SLC35E3: variants seen among roughly 807,000 people sequenced by gnomAD.
SLC35E3 encodes the protein solute carrier family 35 member E3.
SLC35E3 carries 28 observed loss-of-function variants against 30.8 expected under a neutral mutation model. The ratio of observed to expected loss-of-function variants is 0.91; its 90% CI spans 0.67 to 1.25. SLC35E3 has a LOEUF of 1.25. Among genes scored for constraint, SLC35E3 ranks in the 50% most tolerant of loss-of-function variants. SLC35E3 has a pLI of 0.00. For missense variants in SLC35E3, 365 were observed against 375.4 expected (o/e 0.97, Z 0.23); for synonymous variants, 146 against 149.2 (o/e 0.98, Z 0.16).
intron 3 of SLC35E3, among the ~76,000 whole-genome samples, chr12:68,754,552 C>T (rs1878931064): frequency 1.3e-5 from 2 of 152,160 alleles, no homozygotes; most frequent in South Asian, 4.1e-4. Context: ...TCCCAAAGTG[C>T]TGGGATTACA....
At position 68,772,739 on chromosome 12, in the gene SLC35E3, C is replaced by T. The variant is rs757660082; in HGVS notation, c.*7849C>T. 6.6e-6 allele frequency: 1 copy of T among 152,044 alleles called. No individual in the cohort carries two copies. The highest frequency in any genetic ancestry group is 2.4e-5 in the African/African-American group (1 of 41,408). The allele number at this position is 152,044 out of a possible 1,614,324, so 9.4% of individuals were successfully genotyped here. A position where few individuals can be genotyped will look rare whatever the true frequency, so the allele number is the denominator to read the frequency against. On this transcript the variant is annotated 3_prime_UTR_variant, in exon 5 of 5. Coordinates refer to ENST00000398004, the MANE Select transcript of SLC35E3 (RefSeq NM_018656.5). ...TAAATATTTATTTTTTTCGGTTATC[C>T]GTAGACTTTTCCTTTTGAAATCCAA...
chr12:68,764,577 C>T, intron 4 of SLC35E3, 127 bp from the exon 5 acceptor site: 1 of 748,372 alleles, frequency 1.3e-6, no homozygotes, highest in Non-Finnish European at 2.0e-6. Flanking sequence ...CATGATCCAC[C>T]ACGCCTGGTC....
intron 4 of SLC35E3, among the ~76,000 whole-genome samples, chr12:68,761,002 T>C (rs1255751024): frequency 6.6e-6 from 1 of 151,982 alleles, no homozygotes; most frequent in Admixed American, 6.6e-5. Context: ...CTGAAGGAAA[T>C]GCAGTTGCTC....
rs989613893 is a variant in SLC35E3, at chr12:68,780,160, A to G, written c.*15270A>G. ...AAATCTTAACAATTTCTAAAATCAC[A>G]CTTTTTAATTTATTTTGTATTTTTT... On this transcript the variant is annotated 3_prime_UTR_variant, in exon 5 of 5. Coordinates refer to ENST00000398004, the MANE Select transcript of SLC35E3 (RefSeq NM_018656.5). 3 of 151,946 alleles carry G rather than the reference A, an allele frequency of 2.0e-5. No homozygotes were observed. The highest frequency in any genetic ancestry group is 7.3e-5 in the African/African-American group (3 of 41,378). The allele number at this position is 151,946 out of a possible 1,614,324, so 9.4% of individuals were successfully genotyped here. A position where few individuals can be genotyped will look rare whatever the true frequency, so the allele number is the denominator to read the frequency against.
chr12:68,774,969 C>T lies in SLC35E3; in HGVS notation c.*10079C>T, dbSNP rs1162583622. 1 of 151,702 alleles carries T rather than the reference C, an allele frequency of 6.6e-6. No homozygotes were observed. The highest frequency in any genetic ancestry group is 1.5e-5 in the Non-Finnish European group (1 of 67,926). 9.4% of individuals were successfully genotyped at this position (151,702 alleles called of 1,614,324 possible). On this transcript the variant is annotated 3_prime_UTR_variant, in exon 5 of 5. Coordinates refer to ENST00000398004, the MANE Select transcript of SLC35E3 (RefSeq NM_018656.5). ...GAGACCAGCCTGGCCAACACGTCTT[C>T]TTGTTCTAGATGAAAAGTAAACCCC...
rs934423451 is a variant in SLC35E3 at position 68,769,640 on chromosome 12, C to T, written c.*4750C>T. On this transcript the variant is annotated 3_prime_UTR_variant, in exon 5 of 5. Coordinates refer to ENST00000398004, the MANE Select transcript of SLC35E3 (RefSeq NM_018656.5). ...TGCCATTGCACTGCAGCCTGGGCAA[C>T]AAGAGCAAAACTGTCTCAAATAAAT... The T allele has an allele frequency of 3.9e-5, 6 of 152,032 alleles. No homozygotes were observed. The highest frequency in any genetic ancestry group is 1.9e-4 in the East Asian group (1 of 5,194). 9.4% of individuals were successfully genotyped at this position (152,032 alleles called of 1,614,324 possible). A position where few individuals can be genotyped will look rare whatever the true frequency, so the allele number is the denominator to read the frequency against.
chr12:68,748,050 T>TG lies in SLC35E3; in HGVS notation c.513+10_513+11insG. The TG allele has an allele frequency of 6.7e-7, 1 of 1,502,374 alleles. No individual in the cohort carries two copies. The highest frequency in any genetic ancestry group is 9.2e-7 in the Non-Finnish European group (1 of 1,086,840). The allele number at this position is 1,502,374 out of a possible 1,614,324, so 93.1% of individuals were successfully genotyped here. On this transcript the variant is annotated intron_variant, in intron 2 of 4. Transcript: ENST00000398004. ...ATCCCTTTATCAAGTGGTTGGTAAT[T>TG]TTTTTTTCTTTATGTGCCTTTTTAG...
In SLC35E3 at chr12:68,775,712, C is replaced by G. The variant is rs897751007; in HGVS notation, c.*10822C>G. 1.3e-5 allele frequency: 2 copies of G among 152,258 alleles called. No homozygotes were observed. Among genetic ancestry groups the G allele is most frequent in the African/African-American group, 4.8e-5 (2 of 41,434 alleles). The allele number at this position is 152,258 out of a possible 1,614,324, so 9.4% of individuals were successfully genotyped here. A position where few individuals can be genotyped will look rare whatever the true frequency, so the allele number is the denominator to read the frequency against. The stretch of plus-strand genomic sequence containing the variant: ...CCTGTCATCCCAGCAGTTTGGGAGG[C>G]TGAGGCAGATGGATCACCTGAGGTC... On this transcript the variant is annotated 3_prime_UTR_variant, in exon 5 of 5. Coordinates refer to ENST00000398004, the MANE Select transcript of SLC35E3 (RefSeq NM_018656.5).
chr12:68,746,523 T>C lies in SLC35E3; in HGVS notation c.146T>C (p.Val49Ala), dbSNP rs747389613. 1.2e-6 allele frequency: 2 copies of C among 1,614,242 alleles called. No homozygotes were observed. The highest frequency in any genetic ancestry group is 2.2e-5 in the South Asian group (2 of 91,090). ...HGFPNMSLTLVHFVVTWLGLY... is the reference protein window; with the variant it reads ...HGFPNMSLTLAHFVVTWLGLY... ...TTCCCCAACATGAGCCTGACCCTGG[T>C]GCACTTCGTGGTCACCTGGCTGGGC... Residue 49 changes from valine to alanine, a missense_variant, in exon 1 of 5, where the codon GTG becomes GCG. Transcript: ENST00000398004.
Position 68,764,820 on chromosome 12 carries a change from T to C in SLC35E3, c.872T>C (p.Ile291Thr), listed in dbSNP as rs774026274. Reference protein sequence around the residue: ...ALGILCTLFGILAYTHFKLSE... With the variant: ...ALGILCTLFGTLAYTHFKLSE... ...GGCATTTTATGTACATTATTTGGCA[T>C]TCTCGCCTATACCCACTTTAAGCTC... The change falls in exon 5 of 5, where the codon ATT (isoleucine) becomes ACT (threonine). Residue 291 changes from isoleucine (I) to threonine (T), a missense_variant. By Grantham distance (89) the Ile-to-Thr change is moderately conservative. Coordinates refer to ENST00000398004, the MANE Select transcript of SLC35E3 (RefSeq NM_018656.5). The C allele has an allele frequency of 6.2e-7, 1 of 1,614,192 alleles. No individual in the cohort carries two copies. The highest frequency in any genetic ancestry group is 1.1e-5 in the South Asian group (1 of 91,090).
chr12:68,774,449 T>A lies in SLC35E3; in HGVS notation c.*9559T>A, dbSNP rs1278401260. On this transcript the variant is annotated 3_prime_UTR_variant, in exon 5 of 5. Transcript: ENST00000398004. ...ACAAAATTAGCTGGGCGTAGTGGCT[T>A]ATGCCTGTAACCCCAGCTACTCGGC... 1 of 151,984 alleles carries A rather than the reference T, an allele frequency of 6.6e-6. No individual in the cohort carries two copies. The highest frequency in any genetic ancestry group is 2.4e-5 in the African/African-American group (1 of 41,292). 9.4% of individuals were successfully genotyped at this position (151,984 alleles called of 1,614,324 possible).
intron 2 of SLC35E3, among the ~76,000 whole-genome samples, 199 bp from the exon 3 acceptor site, chr12:68,751,833 A>G (rs1401875755): frequency 2.0e-5 from 3 of 152,232 alleles, no homozygotes; most frequent in Non-Finnish European, 4.4e-5. Flanking sequence ...AATTAAATTT[A>G]TAGAGCTATT....
chr12:68,749,007 G>A (rs1878695852), intron 2 of SLC35E3, among the ~76,000 whole-genome samples: 1 of 152,214 alleles, frequency 6.6e-6, no homozygotes, highest in Non-Finnish European at 1.5e-5. Flanking sequence ...AATAAAAGAA[G>A]AGGCTAGTGA....
chr12:68,756,950 G>A (rs1314719238), intron 3 of SLC35E3, among the ~76,000 whole-genome samples: 2 of 152,244 alleles, frequency 1.3e-5, no homozygotes, highest in Admixed American at 1.3e-4. Flanking sequence ...GCGAGGCGGA[G>A]CTTGCAGTGA....
Position 68,759,214 on chromosome 12 carries a change from A to G in SLC35E3, c.730A>G (p.Ile244Val). The G allele has an allele frequency of 1.2e-6, 2 of 1,613,328 alleles. No individual in the cohort carries two copies. Among genetic ancestry groups the G allele is most frequent in the Non-Finnish European group, 1.7e-6 (2 of 1,179,392 alleles). ...AFMVNLSIYW[I>V]IGNTSPVTYN... is the part of the protein sequence containing the mutation. ...CATGGTGAACTTATCAATTTATTGG[A>G]TCATTGGGAACACTTCACCTGTCAC... Residue 244 changes from isoleucine to valine, a missense_variant, in exon 4 of 5, where the codon ATC becomes GTC. Coordinates refer to ENST00000398004, the MANE Select transcript of SLC35E3 (RefSeq NM_018656.5).
chr12:68,766,052 A>C lies in SLC35E3; in HGVS notation c.*1162A>C, dbSNP rs1592547238. On this transcript the variant is annotated 3_prime_UTR_variant, in exon 5 of 5. Transcript: ENST00000398004. ...ATCTCATTTATAAAGTATAATAAAG[A>C]TGACTGTAAGACAAAATCCAATTCT... 1 of 152,228 alleles carries C rather than the reference A, an allele frequency of 6.6e-6. No individual in the cohort carries two copies. The highest frequency in any genetic ancestry group is 1.9e-4 in the East Asian group (1 of 5,178). 9.4% of individuals were successfully genotyped at this position (152,228 alleles called of 1,614,324 possible). A position where few individuals can be genotyped will look rare whatever the true frequency, so the allele number is the denominator to read the frequency against.
chr12:68,752,873 C>T lies in SLC35E3; in HGVS notation c.672+683C>T, dbSNP rs919432510. ...CAAAAAAATTAGCTGAGGCTGGGTGCGGTGGCTCATGCCTGTAATCCCAGC... is the reference window on the plus strand; with the variant it reads ...CAAAAAAATTAGCTGAGGCTGGGTGTGGTGGCTCATGCCTGTAATCCCAGC... On this transcript the variant is annotated intron_variant, in intron 3 of 4. Coordinates refer to ENST00000398004, the MANE Select transcript of SLC35E3 (RefSeq NM_018656.5). 8.6e-5 allele frequency among the ~76,000 whole-genome samples: 13 copies of T among 151,872 alleles called. No individual in the cohort carries two copies. In the South Asian group the frequency reaches 1.7e-3, roughly 19 times the overall value.
At position 68,777,789 on chromosome 12, in the gene SLC35E3, A is replaced by C. The variant is rs1366192254; in HGVS notation, c.*12899A>C. On this transcript the variant is annotated 3_prime_UTR_variant, in exon 5 of 5. Coordinates refer to ENST00000398004, the MANE Select transcript of SLC35E3 (RefSeq NM_018656.5). ...TAAGTCCTCTAGCCCAGTACCACTC[A>C]AGGTAGGGTCTGGGCCCCAGTACCA... The C allele has an allele frequency of 6.6e-6, 1 of 152,224 alleles. No homozygotes were observed. Among genetic ancestry groups the C allele is most frequent in the East Asian group, 1.9e-4 (1 of 5,194 alleles). 9.4% of individuals were successfully genotyped at this position (152,224 alleles called of 1,614,324 possible). A position where few individuals can be genotyped will look rare whatever the true frequency, so the allele number is the denominator to read the frequency against.
At chr12:68,752,705 T>C (rs1395146290) in intron 3 of SLC35E3, among the ~76,000 whole-genome samples, 1 of 151,978 alleles carries the variant, frequency 6.6e-6, no homozygotes, top group Non-Finnish European at 1.5e-5. Context: ...ACCTCATCTC[T>C]ACAAAAAATT....
Sources: gnomAD v4.1 joint callset for allele counts (sites outside exome capture counted in the v4.1 genomes callset) on GRCh38, gnomAD v4.1.1 for gene constraint, MANE v1.5 for transcripts, NCBI Gene and HGNC (gene_info 2026-07-23, HGNC 2026-07-21) for gene names.